Variants in TTBK1 observed in about 807,000 individuals in gnomAD.
TTBK1 encodes tau tubulin kinase 1.
In TTBK1, 34 loss-of-function variants were observed where a neutral mutation model predicts 108.5. The ratio of observed to expected loss-of-function variants is 0.31; its 90% CI spans 0.24 to 0.42. TTBK1 has a LOEUF of 0.42. Ranked by LOEUF, TTBK1 falls within the 10% of genes least tolerant of loss-of-function variation. TTBK1 has a pLI of 1.00. For missense variants in TTBK1, 1,539 were observed against 1,826.0 expected, an observed-to-expected ratio of 0.84 and a Z score of 2.86; for synonymous variants, 809 against 795.1, an observed-to-expected ratio of 1.02 and a Z score of -0.29.
At chr6:43,281,889 G>A (rs1484006573) in intron 13 of TTBK1, among the ~76,000 whole-genome samples, 1 of 152,192 alleles carries the variant, frequency 6.6e-6, no homozygotes, top group East Asian at 1.9e-4. Flanking sequence ...CAGCAGCCAA[G>A]GTCCTGACCA....
At chr6:43,254,435 T>G in intron 5 of TTBK1, 112 bp from the exon 6 acceptor site, 1 of 681,610 alleles carries the variant, frequency 1.5e-6, no homozygotes, top group South Asian at 2.3e-5. Flanking sequence ...TGCGGGCGAG[T>G]GAATGTGGGG....
intron 13 of TTBK1, among the ~76,000 whole-genome samples, chr6:43,267,846 C>A (rs1777724871): frequency 6.6e-6 from 1 of 152,156 alleles, no homozygotes; most frequent in South Asian, 2.1e-4. Flanking sequence ...CCGGCAGCCA[C>A]CAAAGCATTT....
intron 13 of TTBK1, among the ~76,000 whole-genome samples, chr6:43,279,620 GTC>G (rs1357855962): frequency 6.6e-6 from 1 of 152,154 alleles, no homozygotes; most frequent in Non-Finnish European, 1.5e-5. Context: ...CTGGCAAAGT[GTC>G]CCAGCACAAG....
At chr6:43,270,636 G>C (rs543487268) in intron 13 of TTBK1, 2 of 985,264 alleles carry the variant, frequency 2.0e-6, no homozygotes, top group African/African-American at 1.7e-5. Context: ...TCCATGGTAG[G>C]CTGCCCCTCC....
Position 43,270,750 on chromosome 6 carries a change from G to C in TTBK1, c.1986+7400G>C, listed in dbSNP as rs971907459. ...AGGGGCCTGGGATCCACCTCCCAAGGCAGGCTGGAACTGAGCAACGAGGAG... is the reference window on the plus strand; with the variant it reads ...AGGGGCCTGGGATCCACCTCCCAAGCCAGGCTGGAACTGAGCAACGAGGAG... On this transcript the variant is annotated intron_variant, in intron 13 of 14. Transcript: ENST00000259750. The C allele has an allele frequency of 1.6e-5, 16 of 985,312 alleles. 1 individual carries two copies. The African/African-American group carries it at 2.8e-4, about 17-fold the overall frequency. 61.0% of individuals were successfully genotyped at this position (985,312 alleles called of 1,614,324 possible).
intron 1 of TTBK1, among the ~76,000 whole-genome samples, chr6:43,244,704 G>A (rs1284302752): frequency 6.6e-6 from 1 of 152,148 alleles, no homozygotes; most frequent in African/African-American, 2.4e-5. Flanking sequence ...TCTATAAAAT[G>A]AGAGCAGGAC....
At chr6:43,246,151 T>C (rs555840911) in intron 1 of TTBK1, among the ~76,000 whole-genome samples, 4 of 152,334 alleles carry the variant, frequency 2.6e-5, no homozygotes, top group African/African-American at 7.2e-5. Context: ...GGGTGTCCCA[T>C]GGGTCACCCC....
rs1053912971 is a variant in TTBK1 at position 43,243,741 on chromosome 6, C to G, written c.-55+33C>G. The G allele has an allele frequency of 6.6e-6, 1 of 151,150 alleles. No individual in the cohort carries two copies. The highest frequency in any genetic ancestry group is 1.5e-5 in the Non-Finnish European group (1 of 67,206). The allele number at this position is 151,150 out of a possible 1,614,324, so 9.4% of individuals were successfully genotyped here. ...GGGGCGGGGCGGGCCGGGGTCGGGGCGGGGGCTCCTTCGTGGGCTCAGGGG... is the reference window on the plus strand; with the variant it reads ...GGGGCGGGGCGGGCCGGGGTCGGGGGGGGGGCTCCTTCGTGGGCTCAGGGG... On this transcript the variant is annotated intron_variant, in intron 1 of 14. Coordinates refer to ENST00000259750, the MANE Select transcript of TTBK1 (RefSeq NM_032538.3). The surrounding 1 kb of genome is among the most constrained non-coding windows in gnomAD (Gnocchi z 5.5).
chr6:43,253,795 C>T lies in TTBK1; in HGVS notation c.471+87C>T. ...CCTGGGTCTCCTGGTTTCTCCTCTG[C>T]AACCATGGTTGGGACTTGTGATGGG... On this transcript the variant is annotated intron_variant, in intron 5 of 14. Coordinates refer to ENST00000259750, the MANE Select transcript of TTBK1 (RefSeq NM_032538.3). The surrounding 1 kb of genome is among the most constrained non-coding windows in gnomAD (Gnocchi z 5.8). 1 of 1,486,442 alleles carries T rather than the reference C, an allele frequency of 6.7e-7. No homozygotes were observed. The highest frequency in any genetic ancestry group is 9.0e-7 in the Non-Finnish European group (1 of 1,111,150). The allele number at this position is 1,486,442 out of a possible 1,614,324, so 92.1% of individuals were successfully genotyped here.
chr6:43,258,354 G>C (rs1426593497), intron 10 of TTBK1, among the ~76,000 whole-genome samples: 1 of 152,124 alleles, frequency 6.6e-6, no homozygotes. Context: ...GTTTGAAATC[G>C]ATGGGTCAGC....
chr6:43,285,430 A>T lies in TTBK1; in HGVS notation c.*54A>T, dbSNP rs1317374116. 6.2e-6 allele frequency: 6 copies of T among 961,468 alleles called. No individual in the cohort carries two copies. The African/African-American group carries it at 1.1e-4, about 18-fold the overall frequency. 59.6% of individuals were successfully genotyped at this position (961,468 alleles called of 1,614,324 possible). A position where few individuals can be genotyped will look rare whatever the true frequency, so the allele number is the denominator to read the frequency against. ...ACCCTCACCCCGGCCCCCCACCCGCAGCCGGCCACACTGGAGCAGCTCCCA... is the reference window on the plus strand; with the variant it reads ...ACCCTCACCCCGGCCCCCCACCCGCTGCCGGCCACACTGGAGCAGCTCCCA... On this transcript the variant is annotated 3_prime_UTR_variant, in exon 15 of 15. Transcript: ENST00000259750. This position sits in a 1 kb window ranked among gnomAD's most constrained non-coding sequence, Gnocchi z 4.7.
chr6:43,285,259 T>A lies in TTBK1; in HGVS notation c.3849T>A (p.Pro1283=). The A allele has an allele frequency of 7.7e-7, 1 of 1,293,182 alleles. No individual in the cohort carries two copies. The highest frequency in any genetic ancestry group is 3.1e-5 in the East Asian group (1 of 31,876). The allele number at this position is 1,293,182 out of a possible 1,614,324, so 80.1% of individuals were successfully genotyped here. The change falls in exon 15 of 15, where the codon CCT becomes CCA. Residue 1283 remains proline (P), a synonymous_variant. Coordinates refer to ENST00000259750, the MANE Select transcript of TTBK1 (RefSeq NM_032538.3). This position sits in a 1 kb window ranked among gnomAD's most constrained non-coding sequence, Gnocchi z 4.7. Reference sequence around the variant, plus strand: ...GCGTCCCGCCGGCCCGGGCCCAGCCTGATGGCACCCCCTCCCCCGGGGGCT... The same window carrying A: ...GCGTCCCGCCGGCCCGGGCCCAGCCAGATGGCACCCCCTCCCCCGGGGGCT... ...PRGVPPARAQ[P]DGTPSPGGSK... is the part of the protein sequence containing the mutation.
At chr6:43,250,503 C>A (rs1456913389) in intron 2 of TTBK1, among the ~76,000 whole-genome samples, 1 of 151,922 alleles carries the variant, frequency 6.6e-6, no homozygotes, top group Non-Finnish European at 1.5e-5. Context: ...ATTACAGGTG[C>A]CCGCCACCAC....
In TTBK1 at chr6:43,258,995, AC is replaced by A. The variant is rs765382507; in HGVS notation, c.1017-39del. 1.9e-5 allele frequency: 28 copies of A among 1,492,716 alleles called. No homozygotes were observed. The African/African-American group carries it at 1.9e-4, about 10-fold the overall frequency. 92.5% of individuals were successfully genotyped at this position (1,492,716 alleles called of 1,614,324 possible). A position where few individuals can be genotyped will look rare whatever the true frequency, so the allele number is the denominator to read the frequency against. On this transcript the variant is annotated intron_variant, in intron 10 of 14. Coordinates refer to ENST00000259750, the MANE Select transcript of TTBK1 (RefSeq NM_032538.3). The stretch of plus-strand genomic sequence containing the variant: ...GGAGAGGGCCATGGAAGGAGAGGGC[AC>A]CCCTGCCAGCCTTGCCCATGGCTCC...
In TTBK1 at chr6:43,257,190, C is replaced by T. The variant is rs1002020798; in HGVS notation, c.862-622C>T. ...GAGGGTCTATAGCTGTCTGCCACCT[C>T]CTGAACCCAGGGCCTGGCAGAGACG... On this transcript the variant is annotated intron_variant, in intron 9 of 14. Coordinates refer to ENST00000259750, the MANE Select transcript of TTBK1 (RefSeq NM_032538.3). This position sits in a 1 kb window ranked among gnomAD's most constrained non-coding sequence, Gnocchi z 4.5. 2.6e-5 allele frequency among the ~76,000 whole-genome samples: 4 copies of T among 152,206 alleles called. No individual in the cohort carries two copies. The highest frequency in any genetic ancestry group is 4.4e-5 in the Non-Finnish European group (3 of 68,038).
rs140387854 is a variant in TTBK1 at position 43,281,506 on chromosome 6, C to T, written c.1987-1221C>T. On this transcript the variant is annotated intron_variant, in intron 13 of 14. Transcript: ENST00000259750. ...CTCAGGCAGATGTAAAAAGGATGGACGGCAGTGCAGAATGGAGAGAACAGG... is the reference window on the plus strand; with the variant it reads ...CTCAGGCAGATGTAAAAAGGATGGATGGCAGTGCAGAATGGAGAGAACAGG... Among the ~76,000 whole-genome samples the T allele has an allele frequency of 4.1e-3, 628 of 152,052 alleles. 6 individuals carry two copies. Among genetic ancestry groups the T allele is most frequent in the African/African-American group, 0.014 (583 of 41,446 alleles).
In TTBK1 at chr6:43,283,536, C is replaced by T; in HGVS notation, c.2796C>T (p.His932=). The change falls in exon 14 of 15, where the codon CAC becomes CAT. Residue 932 remains histidine, a synonymous_variant. Transcript: ENST00000259750. This position sits in a 1 kb window ranked among gnomAD's most constrained non-coding sequence, Gnocchi z 8.1. The part of the protein sequence containing the change: ...PFTKVERTFV[H]IAEKTHLNVM... ...CCAAAGTTGAGAGGACCTTTGTGCA[C>T]ATTGCGGAGAAAACCCACCTCAACG... is the stretch of plus-strand genomic sequence containing the variant. The T allele has an allele frequency of 6.2e-7, 1 of 1,614,166 alleles. No homozygotes were observed. The highest frequency in any genetic ancestry group is 8.5e-7 in the Non-Finnish European group (1 of 1,180,002).
At chr6:43,268,829 C>T (rs150999589) in intron 13 of TTBK1, among the ~76,000 whole-genome samples, 54 of 152,332 alleles carry the variant, frequency 3.5e-4, no homozygotes, top group African/African-American at 1.3e-3. Flanking sequence ...CCTCCTCCTA[C>T]GAGTCCATCC....
Position 43,282,746 on chromosome 6 carries a change from C to T in TTBK1, c.2006C>T (p.Pro669Leu), listed in dbSNP as rs1778202892. 3 of 1,608,924 alleles carry T rather than the reference C, an allele frequency of 1.9e-6. No individual in the cohort carries two copies. Among genetic ancestry groups the T allele is most frequent in the African/African-American group, 2.7e-5 (2 of 74,424 alleles). ...TTGCAGGTGTTCTCCGTGGCGCCCC[C>T]ATTTGAGGTGAATGGCCTCCCACGA... is the stretch of plus-strand genomic sequence containing the variant. Reference protein sequence around the residue: ...PQRQVFSVAPPFEVNGLPRAV... With the variant: ...PQRQVFSVAPLFEVNGLPRAV... Residue 669 changes from proline to leucine, a missense_variant, in exon 14 of 15, where the codon CCA (proline) becomes CTA (leucine). Coordinates refer to ENST00000259750, the MANE Select transcript of TTBK1 (RefSeq NM_032538.3). The surrounding 1 kb of genome is among the most constrained non-coding windows in gnomAD (Gnocchi z 5.4).
Sources: allele counts gnomAD v4.1 joint callset (sites outside exome capture counted in the v4.1 genomes callset), GRCh38; gene constraint gnomAD v4.1.1; non-coding constraint Gnocchi (gnomAD v3.1); transcripts MANE v1.5; gene names NCBI Gene and HGNC (gene_info 2026-07-23, HGNC 2026-07-21).